XYLT1: variants seen among roughly 807,000 people sequenced by gnomAD.
The protein encoded by XYLT1 is xylosyltransferase 1, also known as beta-D-xylosyltransferase 1.
In XYLT1, 36 loss-of-function variants were observed where a neutral mutation model predicts 91.3. The ratio of observed to expected loss-of-function variants is 0.39; its 90% CI spans 0.30 to 0.52. The LOEUF (loss-of-function observed/expected upper bound fraction) is 0.52. Among genes scored for constraint, XYLT1 ranks in the 20% least tolerant of loss-of-function variants. XYLT1 has a pLI of 0.68. For missense variants in XYLT1, 1,242 were observed against 1,284.5 expected, an observed-to-expected ratio of 0.97 and a Z score of 0.51; for synonymous variants, 588 against 532.0, an observed-to-expected ratio of 1.11 and a Z score of -1.45.
chr16:17,409,167 G>A (rs541836612), intron 1 of XYLT1, among the ~76,000 whole-genome samples: 49 of 152,302 alleles, frequency 3.2e-4, no homozygotes, highest in African/African-American at 1.1e-3. Flanking sequence ...CTCCTTCGAC[G>A]CTAGAAAGAG....
At chr16:17,431,173 C>T (rs150415327) in intron 1 of XYLT1, among the ~76,000 whole-genome samples, 2 of 152,096 alleles carry the variant, frequency 1.3e-5, no homozygotes, top group South Asian at 2.1e-4. Flanking sequence ...CACGAGTGGG[C>T]GTGGCTGTGT....
intron 3 of XYLT1, among the ~76,000 whole-genome samples, chr16:17,258,319 A>C (rs942655085): frequency 6.6e-6 from 1 of 151,832 alleles, no homozygotes; most frequent in African/African-American, 2.4e-5. Context: ...AAGAAAATTA[A>C]AATAAGGAAG....
chr16:17,345,307 C>A (rs183683477), intron 2 of XYLT1, among the ~76,000 whole-genome samples: 63 of 152,360 alleles, frequency 4.1e-4, no homozygotes, highest in African/African-American at 1.5e-3. Flanking sequence ...TATTTCAACT[C>A]GTGCTGCTTC....
chr16:17,212,882 G>A (rs369452184), intron 3 of XYLT1, among the ~76,000 whole-genome samples: 12 of 152,152 alleles, frequency 7.9e-5, no homozygotes, highest in South Asian at 6.2e-4. Flanking sequence ...AAAACGCTGC[G>A]CTGTGGCCTG....
intron 3 of XYLT1, among the ~76,000 whole-genome samples, chr16:17,245,763 G>A (rs1203027392): frequency 6.6e-6 from 1 of 152,198 alleles, no homozygotes; most frequent in Admixed American, 6.5e-5. Context: ...TCTCATGGGT[G>A]ACTGAAGGAT....
chr16:17,347,314 C>T (rs1248226818), intron 2 of XYLT1, among the ~76,000 whole-genome samples: 1 of 152,172 alleles, frequency 6.6e-6, no homozygotes, highest in Non-Finnish European at 1.5e-5. Context: ...CCCGCCTCTC[C>T]CCACCCCACC....
intron 2 of XYLT1, among the ~76,000 whole-genome samples, chr16:17,272,752 C>G (rs2033916048): frequency 1.3e-5 from 2 of 152,202 alleles, no homozygotes; most frequent in East Asian, 1.9e-4. Context: ...CGGCCAGTGT[C>G]CCCTTAGCCC....
chr16:17,401,718 T>C (rs537621597), intron 1 of XYLT1, among the ~76,000 whole-genome samples: 25 of 152,022 alleles, frequency 1.6e-4, no homozygotes, highest in African/African-American at 5.8e-4. Context: ...ATTATTATTA[T>C]TATTATTATT....
chr16:17,453,443 T>C (rs2036694270), intron 1 of XYLT1, among the ~76,000 whole-genome samples: 1 of 152,166 alleles, frequency 6.6e-6, no homozygotes, highest in African/African-American at 2.4e-5. Context: ...GGTATCCTAA[T>C]TTTACTCTTC....
At chr16:17,151,626 T>G (rs561682064) in intron 6 of XYLT1, among the ~76,000 whole-genome samples, 1 of 152,126 alleles carries the variant, frequency 6.6e-6, no homozygotes, top group Non-Finnish European at 1.5e-5. Context: ...CAGTGGCACA[T>G]GTACCAGTTA....
At chr16:17,169,352 C>T (rs1332596719) in intron 5 of XYLT1, among the ~76,000 whole-genome samples, 3 of 152,150 alleles carry the variant, frequency 2.0e-5, no homozygotes, top group Non-Finnish European at 1.5e-5. Flanking sequence ...CCTTTTTGTA[C>T]TGACAAAAAT....
chr16:17,373,391 G>A, intron 1 of XYLT1, among the ~76,000 whole-genome samples: 1 of 152,166 alleles, frequency 6.6e-6, no homozygotes, highest in East Asian at 1.9e-4. Context: ...AACTCTGTGG[G>A]GAAGATAATG....
At chr16:17,112,811 G>A (rs1020687617) in intron 11 of XYLT1, among the ~76,000 whole-genome samples, 8 of 152,140 alleles carry the variant, frequency 5.3e-5, no homozygotes, top group South Asian at 2.1e-4. Context: ...GAAGCTGAGC[G>A]TTTACTTCGA....
At chr16:17,453,438 C>G (rs1178520470) in intron 1 of XYLT1, among the ~76,000 whole-genome samples, 1 of 152,144 alleles carries the variant, frequency 6.6e-6, no homozygotes, top group African/African-American at 2.4e-5. Context: ...CCTAGGGTAT[C>G]CTAATTTTAC....
chr16:17,417,372 T>C (rs7404477), intron 1 of XYLT1, among the ~76,000 whole-genome samples: 7,705 of 152,184 alleles, frequency 0.051, 234 homozygotes, highest in Admixed American at 0.084. Flanking sequence ...TCAGCTCTAG[T>C]CTAGTCTGGA....
chr16:17,363,683 G>C (rs2035411852), intron 1 of XYLT1, among the ~76,000 whole-genome samples: 1 of 152,180 alleles, frequency 6.6e-6, no homozygotes, highest in African/African-American at 2.4e-5. Flanking sequence ...GGGATTACAA[G>C]TGGTTGCCAC....
intron 2 of XYLT1, among the ~76,000 whole-genome samples, chr16:17,353,748 C>T (rs900039710): frequency 6.6e-6 from 1 of 152,146 alleles, no homozygotes; most frequent in African/African-American, 2.4e-5. Context: ...CGTTGGATTG[C>T]ATATACCAAG....
At chr16:17,305,786 G>C (rs1009481056) in intron 2 of XYLT1, among the ~76,000 whole-genome samples, 3 of 152,124 alleles carry the variant, frequency 2.0e-5, no homozygotes, top group African/African-American at 7.2e-5. Flanking sequence ...CCCAGACTCT[G>C]ACTTCCGGAG....
chr16:17,451,352 G>T (rs774719301), intron 1 of XYLT1, among the ~76,000 whole-genome samples: 1 of 152,008 alleles, frequency 6.6e-6, no homozygotes, highest in African/African-American at 2.4e-5. Context: ...AATCCATGCC[G>T]GACTATCTTC....
Sources: allele counts gnomAD v4.1 joint callset (sites outside exome capture counted in the v4.1 genomes callset), GRCh38; gene constraint gnomAD v4.1.1; transcripts MANE v1.5; gene names NCBI Gene and HGNC (gene_info 2026-07-23, HGNC 2026-07-21).